Variants in TLE7 observed in about 807,000 individuals in gnomAD.
The protein encoded by TLE7 is transducin-like enhancer protein 7.
At position 71,430,710 on chromosome 16, in the gene TLE7, G is replaced by T; in HGVS notation, c.1179C>A (p.Arg393=). ...GSYFVTAIDT[R]LSGLEAPSLQ... ...GAGAAGGTGCCTCCAAGCCACTGAGGCGCGTATCTATCGCGGTCACAAAAT... is the reference window on the plus strand; with the variant it reads ...GAGAAGGTGCCTCCAAGCCACTGAGTCGCGTATCTATCGCGGTCACAAAAT... Residue 393 remains arginine (R), a synonymous_variant, in exon 9 of 10, where the codon CGC becomes CGA. Transcript: ENST00000561754. 2.5e-6 allele frequency: 1 copy of T among 398,616 alleles called. No homozygotes were observed. The highest frequency in any genetic ancestry group is 4.4e-6 in the Non-Finnish European group (1 of 226,112). The allele number at this position is 398,616 out of a possible 1,614,324, so 24.7% of individuals were successfully genotyped here.
intron 1 of TLE7, among the ~76,000 whole-genome samples, chr16:71,438,498 G>A (rs1220154215): frequency 6.6e-6 from 1 of 150,770 alleles, no homozygotes; most frequent in Non-Finnish European, 1.5e-5. Flanking sequence ...ATAAGGAGCT[G>A]TAATTAAACT....
chr16:71,439,634 A>G (rs967538365), intron 1 of TLE7, among the ~76,000 whole-genome samples: 4 of 152,216 alleles, frequency 2.6e-5, no homozygotes, highest in Non-Finnish European at 2.9e-5. Flanking sequence ...ATCACCAGTC[A>G]TCCGGGAAAT....
Position 71,441,021 on chromosome 16 carries a change from C to A in TLE7, c.-97+948G>T, listed in dbSNP as rs537893251. ...CGTACATTGCTCTTCCCACCCACCT[C>A]GCGTCCCGTCCCTGCCATGGGAAGT... On this transcript the variant is annotated intron_variant, in intron 1 of 9. Transcript: ENST00000561754. Among the ~76,000 whole-genome samples the A allele has an allele frequency of 1.1e-4, 17 of 152,322 alleles. No homozygotes were observed. In the East Asian group the frequency reaches 3.3e-3, roughly 29 times the overall value.
At position 71,431,361 on chromosome 16, in the gene TLE7, CT is replaced by C. The variant is rs2042802828; in HGVS notation, c.993+59del. ...ACCTCTCAAGCTCACACTCCCACCC[CT>C]GCCTCCATGCATGGCTCCACTACAG... On this transcript the variant is annotated intron_variant, in intron 7 of 9. Coordinates refer to ENST00000561754, the MANE Select transcript of TLE7 (RefSeq NM_001367365.2). This position sits in a 1 kb window ranked among gnomAD's most constrained non-coding sequence, Gnocchi z 4.5. The C allele has an allele frequency of 5.0e-6, 2 of 399,688 alleles. No individual in the cohort carries two copies. The highest frequency in any genetic ancestry group is 2.5e-4 in the South Asian group (2 of 7,888). The allele number at this position is 399,688 out of a possible 1,614,324, so 24.8% of individuals were successfully genotyped here.
At chr16:71,432,941 A>G (rs1474245600) in intron 2 of TLE7, 49 bp from the exon 3 acceptor site, 3 of 399,174 alleles carry the variant, frequency 7.5e-6, no homozygotes, top group Non-Finnish European at 1.3e-5. Context: ...TGAGCCACAG[A>G]GCTTCCTGCT....
intron 1 of TLE7, among the ~76,000 whole-genome samples, chr16:71,439,354 G>A (rs914770884): frequency 2.0e-5 from 3 of 152,158 alleles, no homozygotes; most frequent in African/African-American, 7.2e-5. Flanking sequence ...ACAGACAGAA[G>A]GGCAGAGGCA....
chr16:71,438,700 A>AG (rs11410432), intron 1 of TLE7, among the ~76,000 whole-genome samples: 1 of 150,146 alleles, frequency 6.7e-6, no homozygotes, highest in East Asian at 2.0e-4. Flanking sequence ...AAAAAAAAAA[A>AG]GCGAAAATAG....
chr16:71,435,343 G>A (rs559105830), intron 1 of TLE7, among the ~76,000 whole-genome samples: 4 of 152,182 alleles, frequency 2.6e-5, no homozygotes, highest in South Asian at 4.2e-4. Flanking sequence ...CCCGGGAGGC[G>A]GAGGTTGCAG....
At chr16:71,439,479 G>T (rs34367166) in intron 1 of TLE7, among the ~76,000 whole-genome samples, 2 of 152,078 alleles carry the variant, frequency 1.3e-5, no homozygotes, top group Non-Finnish European at 2.9e-5. Flanking sequence ...GAGTTGGAAG[G>T]CATTTGGGGG....
intron 1 of TLE7, among the ~76,000 whole-genome samples, chr16:71,435,577 T>A (rs2042823045): frequency 6.6e-6 from 1 of 152,240 alleles, no homozygotes. Flanking sequence ...TTTATCTTTG[T>A]ATATAAGAAA....
At chr16:71,434,834 G>A (rs114596390) in intron 1 of TLE7, among the ~76,000 whole-genome samples, 4 of 152,110 alleles carry the variant, frequency 2.6e-5, no homozygotes, top group East Asian at 3.9e-4. Flanking sequence ...CATTATTACC[G>A]ATGCAGTGAC....
chr16:71,439,886 A>G (rs1191392234), intron 1 of TLE7, among the ~76,000 whole-genome samples: 1 of 152,202 alleles, frequency 6.6e-6, no homozygotes, highest in Non-Finnish European at 1.5e-5. Context: ...GAAAACAGGG[A>G]CTTAAACATT....
chr16:71,441,524 G>T (rs1292260742), intron 1 of TLE7, among the ~76,000 whole-genome samples: 1 of 152,238 alleles, frequency 6.6e-6, no homozygotes, highest in African/African-American at 2.4e-5. Flanking sequence ...CCTCTGGGTC[G>T]GGCAGGGTCC....
At chr16:71,441,362 G>A (rs576764036) in intron 1 of TLE7, among the ~76,000 whole-genome samples, 16 of 152,374 alleles carry the variant, frequency 1.1e-4, no homozygotes, top group African/African-American at 2.6e-4. Flanking sequence ...TGGGATCACA[G>A]GCGTGCGCCA....
chr16:71,441,400 T>C (rs1198730470), intron 1 of TLE7, among the ~76,000 whole-genome samples: 2 of 152,204 alleles, frequency 1.3e-5, no homozygotes, highest in Non-Finnish European at 2.9e-5. Context: ...CACTAACCAC[T>C]CAGAGCGTCC....
In TLE7 at chr16:71,432,671, T is replaced by G; in HGVS notation, c.387A>C (p.Arg129Ser). The G allele has an allele frequency of 2.5e-6, 1 of 398,682 alleles. No individual in the cohort carries two copies. Among genetic ancestry groups the G allele is most frequent in the East Asian group, 3.6e-5 (1 of 28,070 alleles). The allele number at this position is 398,682 out of a possible 1,614,324, so 24.7% of individuals were successfully genotyped here. A position where few individuals can be genotyped will look rare whatever the true frequency, so the allele number is the denominator to read the frequency against. Reference sequence around the variant, plus strand: ...TATGAAGTTGGACACTTACAATTGCTCTGAGCAATGAGAGGACTTCTTCAC... The same window carrying G: ...TATGAAGTTGGACACTTACAATTGCGCTGAGCAATGAGAGGACTTCTTCAC... Reference protein sequence around the residue: ...SPSEEVLSLLRAIPPIPDEVV... With the variant: ...SPSEEVLSLLSAIPPIPDEVV... Residue 129 changes from arginine to serine, a missense_variant, in exon 4 of 10, where the codon AGA becomes AGC. Coordinates refer to ENST00000561754, the MANE Select transcript of TLE7 (RefSeq NM_001367365.2).
chr16:71,432,421 C>T (rs150742069), intron 4 of TLE7, 96 bp from the exon 5 acceptor site: 3 of 204,566 alleles, frequency 1.5e-5, no homozygotes, highest in East Asian at 1.1e-4. Flanking sequence ...ACCACCCACC[C>T]ATCCACCCAC....
At chr16:71,435,883 C>T (rs1364901512) in intron 1 of TLE7, among the ~76,000 whole-genome samples, 1 of 152,096 alleles carries the variant, frequency 6.6e-6, no homozygotes, top group Non-Finnish European at 1.5e-5. Flanking sequence ...ACCACCACTG[C>T]TCAGACCCCC....
At chr16:71,435,108 G>A (rs2042821266) in intron 1 of TLE7, among the ~76,000 whole-genome samples, 1 of 152,190 alleles carries the variant, frequency 6.6e-6, no homozygotes, top group South Asian at 2.1e-4. Flanking sequence ...ATGGTATGCA[G>A]CTATTAAAAA....
Sources: allele counts gnomAD v4.1 joint callset (sites outside exome capture counted in the v4.1 genomes callset), GRCh38; gene constraint gnomAD v4.1.1; non-coding constraint Gnocchi (gnomAD v3.1); transcripts MANE v1.5; gene names NCBI Gene and HGNC (gene_info 2026-07-23, HGNC 2026-07-21).